The following CAMTA2 variants were observed in gnomAD, a reference collection of about 807,000 sequenced individuals.
CAMTA2 encodes calmodulin-binding transcription activator 2.
In CAMTA2, 56 loss-of-function variants were observed where a neutral mutation model predicts 135.7. That is an observed-to-expected ratio of 0.41 (90% CI 0.33 to 0.52). The LOEUF (loss-of-function observed/expected upper bound fraction) is 0.52. Ranked by LOEUF, CAMTA2 falls within the 20% of genes least tolerant of loss-of-function variation. The pLI is 0.16. For synonymous variants in CAMTA2, 591 were observed against 604.6 expected, an observed-to-expected ratio of 0.98 and a Z score of 0.33; for missense variants, 1,358 against 1,553.4, an observed-to-expected ratio of 0.87 and a Z score of 2.11.
chr17:4,976,968 G>T, intron 11 of CAMTA2, 90 bp downstream of exon 11: 1 of 1,292,432 alleles, frequency 7.7e-7, no homozygotes, highest in Non-Finnish European at 1.1e-6. Context: ...GGGGCTCAGT[G>T]ATGGCCACCT....
chr17:4,969,050 A>T lies in CAMTA2; in HGVS notation c.3471-69T>A. 1 of 1,588,100 alleles carries T rather than the reference A, an allele frequency of 6.3e-7. No individual in the cohort carries two copies. Among genetic ancestry groups the T allele is most frequent in the Non-Finnish European group, 8.6e-7 (1 of 1,160,466 alleles). On this transcript the variant is annotated intron_variant, in intron 21 of 22. Coordinates refer to ENST00000348066, the MANE Select transcript of CAMTA2 (RefSeq NM_015099.4). This position sits in a 1 kb window ranked among gnomAD's most constrained non-coding sequence, Gnocchi z 5.6. ...TGCCTTCGGCCCCCCCAGGAACCCT[A>T]GGCAGGGAATGGCAGTGAGGCATGA...
chr17:4,980,228 G>A lies in CAMTA2; in HGVS notation c.1094C>T (p.Ser365Phe), dbSNP rs1253497641. The A allele has an allele frequency of 6.3e-7, 1 of 1,577,504 alleles. No individual in the cohort carries two copies. The highest frequency in any genetic ancestry group is 1.8e-5 in the Admixed American group (1 of 56,134). ...AGGACTGGGAGGAGCTGGTGGGGCAGAAGGCTCAGTGCCTACAACCACTGC... is the reference window on the plus strand; with the variant it reads ...AGGACTGGGAGGAGCTGGTGGGGCAAAAGGCTCAGTGCCTACAACCACTGC... ...SLAVVVGTEP[S>F]APPAPPSPAF... Residue 365 changes from serine to phenylalanine, a missense_variant, in exon 9 of 23, where the codon TCT becomes TTT. This residue lies in a region of CAMTA2 where 1,077 missense variants were observed against 1,127.5 expected (regional missense o/e 0.96). Coordinates refer to ENST00000348066, the MANE Select transcript of CAMTA2 (RefSeq NM_015099.4). This position sits in a 1 kb window ranked among gnomAD's most constrained non-coding sequence, Gnocchi z 5.3.
chr17:4,977,160 C>T lies in CAMTA2; in HGVS notation c.1798G>A (p.Ala600Thr). ...HEVGLVSLQV[A>T]GREGPLSASV... ...GCAGAAAGGGGCCCCTCCCGCCCTGCCACCTGCAAAGACACCAGCCCTACC... is the reference window on the plus strand; with the variant it reads ...GCAGAAAGGGGCCCCTCCCGCCCTGTCACCTGCAAAGACACCAGCCCTACC... Residue 600 changes from alanine to threonine, a missense_variant, in exon 11 of 23, where the codon GCA (alanine) becomes ACA (threonine). Physicochemically the swap from Ala to Thr is moderately conservative, Grantham distance 58. Coordinates refer to ENST00000348066, the MANE Select transcript of CAMTA2 (RefSeq NM_015099.4). 1 of 1,614,028 alleles carries T rather than the reference C, an allele frequency of 6.2e-7. No individual in the cohort carries two copies. The highest frequency in any genetic ancestry group is 8.5e-7 in the Non-Finnish European group (1 of 1,179,972).
At chr17:4,973,475 A>G (rs1389374348) in intron 13 of CAMTA2, 110 bp downstream of exon 13, 16 of 1,161,954 alleles carry the variant, frequency 1.4e-5, no homozygotes, top group Non-Finnish European at 1.8e-5. Context: ...CCTTCCCACA[A>G]TGACCCCAAC....
chr17:4,979,131 C>G (rs1972801967), intron 9 of CAMTA2, among the ~76,000 whole-genome samples: 1 of 152,092 alleles, frequency 6.6e-6, no homozygotes, highest in South Asian at 2.1e-4. Flanking sequence ...AGAAACCATG[C>G]TAACACATGG....
intron 6 of CAMTA2, 92 bp downstream of exon 6, chr17:4,981,997 A>G: frequency 1.5e-6 from 2 of 1,300,850 alleles, no homozygotes; most frequent in Admixed American, 1.7e-5. Flanking sequence ...TTCCTCACTC[A>G]GAACTCAGCC....
At chr17:4,977,466 C>G (rs961380347) in intron 10 of CAMTA2, among the ~76,000 whole-genome samples, 2 of 152,220 alleles carry the variant, frequency 1.3e-5, no homozygotes, top group African/African-American at 4.8e-5. Flanking sequence ...AACTGAGGGT[C>G]AAGAGACTAG....
In CAMTA2 at chr17:4,970,468, G is replaced by T; in HGVS notation, c.2877C>A (p.Phe959Leu). 1 of 1,614,152 alleles carries T rather than the reference G, an allele frequency of 6.2e-7. No homozygotes were observed. Among genetic ancestry groups the T allele is most frequent in the Non-Finnish European group, 8.5e-7 (1 of 1,180,030 alleles). Residue 959 changes from phenylalanine to leucine, a missense_variant, in exon 17 of 23, where the codon TTC (phenylalanine) becomes TTA (leucine). Around this residue, in one of 4 missense-constraint regions of CAMTA2, gnomAD observed 1,077 missense variants for 1,127.5 expected, o/e 0.96. Transcript: ENST00000348066. ...ATPERIKREDFVGLPEAGASM... is the reference protein window; with the variant it reads ...ATPERIKREDLVGLPEAGASM... ...AGGCTCCAGCCTCGGGCAGCCCCAC[G>T]AAGTCCTCTCGTTTAATCCGCTCCG...
In CAMTA2 at chr17:4,968,581, G is replaced by A; in HGVS notation, c.*175C>T. The A allele has an allele frequency of 1.5e-6, 1 of 667,768 alleles. No individual in the cohort carries two copies. Among genetic ancestry groups the A allele is most frequent in the Non-Finnish European group, 2.6e-6 (1 of 384,978 alleles). The allele number at this position is 667,768 out of a possible 1,614,324, so 41.4% of individuals were successfully genotyped here. On this transcript the variant is annotated 3_prime_UTR_variant, in exon 23 of 23. Coordinates refer to ENST00000348066, the MANE Select transcript of CAMTA2 (RefSeq NM_015099.4). The stretch of plus-strand genomic sequence containing the variant: ...AAAGAGACGGGGCACGACCAGGAGG[G>A]ACGAGGAGAGGGGTGTGGGAGCAAG...
intron 7 of CAMTA2, 140 bp downstream of exon 7, chr17:4,981,538 G>A: frequency 7.9e-7 from 1 of 1,264,490 alleles, no homozygotes; most frequent in Non-Finnish European, 1.1e-6. Context: ...TAATACCTGA[G>A]AACACACCGG....
intron 10 of CAMTA2, 36 bp downstream of exon 10, chr17:4,978,468 G>A: frequency 1.2e-6 from 2 of 1,608,190 alleles, no homozygotes; most frequent in East Asian, 2.2e-5. Flanking sequence ...CTGCCCACAT[G>A]TCAGTCCCTC....
rs768539150 is a variant in CAMTA2 at position 4,981,798 on chromosome 17, C to T, written c.445G>A (p.Val149Ile). The T allele has an allele frequency of 2.5e-6, 4 of 1,611,544 alleles. No individual in the cohort carries two copies. The highest frequency in any genetic ancestry group is 2.2e-5 in the South Asian group (2 of 90,908). Reference sequence around the variant, plus strand: ...TTTCCACAGTCCTCCAGGGCTGGGACGTTCAGGTAGTGCACAAGGACGATG... The same window carrying T: ...TTTCCACAGTCCTCCAGGGCTGGGATGTTCAGGTAGTGCACAAGGACGATG... ...PDIVLVHYLN[V>I]PALEDCGKGC... The change falls in exon 7 of 23, where the codon GTC (valine) becomes ATC (isoleucine). Residue 149 changes from valine (V) to isoleucine (I), a missense_variant. By Grantham distance (29) the Val-to-Ile change is conservative. Transcript: ENST00000348066.
rs745775429 is a variant in CAMTA2 at position 4,978,494 on chromosome 17, A to G, written c.1765+10T>C. On this transcript the variant is annotated intron_variant, in intron 10 of 22. Transcript: ENST00000348066. ...TCAGTCCCTCCCCCTACGGTTCCCAATCCTCATACCGGGACAGTAGCAGCG... is the reference window on the plus strand; with the variant it reads ...TCAGTCCCTCCCCCTACGGTTCCCAGTCCTCATACCGGGACAGTAGCAGCG... The G allele has an allele frequency of 1.4e-5, 22 of 1,613,294 alleles. No homozygotes were observed. The highest frequency in any genetic ancestry group is 1.6e-5 in the Non-Finnish European group (19 of 1,179,532).
chr17:4,968,059 C>G lies in CAMTA2; in HGVS notation c.*697G>C, dbSNP rs1972020201. 3.9e-6 allele frequency: 2 copies of G among 508,640 alleles called. No individual in the cohort carries two copies. The highest frequency in any genetic ancestry group is 7.0e-6 in the Non-Finnish European group (2 of 284,400). The allele number at this position is 508,640 out of a possible 1,614,324, so 31.5% of individuals were successfully genotyped here. On this transcript the variant is annotated 3_prime_UTR_variant, in exon 23 of 23. Coordinates refer to ENST00000348066, the MANE Select transcript of CAMTA2 (RefSeq NM_015099.4). ...AGCCCATGCACAAGTAGAAAGTGCC[C>G]GTGGAGCCGGCAGGAGGCCCCCGCC... is the stretch of plus-strand genomic sequence containing the variant.
chr17:4,978,655 G>A (rs1229676589), intron 9 of CAMTA2, 25 bp from the exon 10 acceptor site: 1 of 1,607,154 alleles, frequency 6.2e-7, no homozygotes, highest in Admixed American at 1.7e-5. Context: ...CAGAGACCAT[G>A]TGACTGGAGT....
In CAMTA2 at chr17:4,969,033, G is replaced by GC. The variant is rs748116223; in HGVS notation, c.3471-53dup. ...TCACAGAAGGCATCGCATGCCTTCG[G>GC]CCCCCCCAGGAACCCTAGGCAGGGA... On this transcript the variant is annotated intron_variant, in intron 21 of 22. Coordinates refer to ENST00000348066, the MANE Select transcript of CAMTA2 (RefSeq NM_015099.4). This position sits in a 1 kb window ranked among gnomAD's most constrained non-coding sequence, Gnocchi z 5.6. The GC allele has an allele frequency of 2.6e-5, 41 of 1,595,952 alleles. No homozygotes were observed. The highest frequency in any genetic ancestry group is 8.8e-5 in the South Asian group (8 of 90,536).
rs1972950848 is a variant in CAMTA2, at chr17:4,981,370, TA to T, written c.566-12del. The stretch of plus-strand genomic sequence containing the variant: ...ACTTGATGCCATGAACTAGAGAAGT[TA>T]GGGGGAAGTGCTGTGGGATCCCCAC... On this transcript the variant is annotated splice_polypyrimidine_tract_variant and intron_variant, in intron 7 of 22. Coordinates refer to ENST00000348066, the MANE Select transcript of CAMTA2 (RefSeq NM_015099.4). 1.2e-6 allele frequency: 2 copies of T among 1,613,372 alleles called. No homozygotes were observed. The highest frequency in any genetic ancestry group is 1.7e-5 in the Admixed American group (1 of 59,948).
In CAMTA2 at chr17:4,968,448, G is replaced by A. The variant is rs1972042808; in HGVS notation, c.*308C>T. ...AAATAAGGCAAGTCAGGAGGGGGCC[G>A]AGTCGGGTGCAGGCAGGAGGAGCTG... On this transcript the variant is annotated 3_prime_UTR_variant, in exon 23 of 23. Coordinates refer to ENST00000348066, the MANE Select transcript of CAMTA2 (RefSeq NM_015099.4). 7.7e-6 allele frequency: 4 copies of A among 516,392 alleles called. No homozygotes were observed. The highest frequency in any genetic ancestry group is 7.7e-5 in the South Asian group (3 of 39,176). The allele number at this position is 516,392 out of a possible 1,614,324, so 32.0% of individuals were successfully genotyped here.
Position 4,970,491 on chromosome 17 carries a change from C to A in CAMTA2, c.2854G>T (p.Glu952Ter). Reference sequence around the variant, plus strand: ...ACGAAGTCCTCTCGTTTAATCCGCTCCGGTGTGGCTTCGATGATCTGCTTG... The same window carrying A: ...ACGAAGTCCTCTCGTTTAATCCGCTACGGTGTGGCTTCGATGATCTGCTTG... ...LAKQIIEATP[E>*]RIKREDFVGL... Residue 952 changes from glutamate to a stop codon, truncating the protein, a stop_gained, in exon 17 of 23, where the codon GAG (glutamate) becomes TAG (stop). Transcript: ENST00000348066. LOFTEE classifies it high-confidence loss of function. 1 of 1,613,880 alleles carries A rather than the reference C, an allele frequency of 6.2e-7. No individual in the cohort carries two copies. Among genetic ancestry groups the A allele is most frequent in the Non-Finnish European group, 8.5e-7 (1 of 1,180,034 alleles).
Sources: allele counts gnomAD v4.1 joint callset (sites outside exome capture counted in the v4.1 genomes callset), GRCh38; gene constraint gnomAD v4.1.1; regional missense constraint gnomAD v4.1.1; non-coding constraint Gnocchi (gnomAD v3.1); transcripts MANE v1.5; gene names NCBI Gene and HGNC (gene_info 2026-07-23, HGNC 2026-07-21).